CCDC102B: variants seen among roughly 807,000 people sequenced by gnomAD.
The protein encoded by CCDC102B is coiled-coil domain-containing protein 102B.
CCDC102B carries 75 observed loss-of-function variants against 57.4 expected under a neutral mutation model. The observed-to-expected ratio is 1.31, with a 90% CI of 1.08 to 1.58. CCDC102B has a LOEUF of 1.58. Among genes scored for constraint, CCDC102B ranks in the 40% most tolerant of loss-of-function variants. CCDC102B has a pLI of 0.00. For missense variants in CCDC102B, 636 were observed against 582.6 expected, an observed-to-expected ratio of 1.09 and a Z score of -0.94; for synonymous variants, 206 against 201.9, an observed-to-expected ratio of 1.02 and a Z score of -0.17.
intron 4 of CCDC102B, among the ~76,000 whole-genome samples, chr18:68,855,369 G>T (rs2038335376): frequency 6.6e-6 from 1 of 152,138 alleles, no homozygotes; most frequent in South Asian, 2.1e-4. Flanking sequence ...GCTCCAAGCA[G>T]AAACTCTCTA....
At chr18:68,885,641 A>G (rs939187219) in intron 5 of CCDC102B, among the ~76,000 whole-genome samples, 4 of 152,072 alleles carry the variant, frequency 2.6e-5, no homozygotes, top group African/African-American at 7.2e-5. Context: ...AGAATTGTAC[A>G]CATACTCAAT....
At chr18:68,819,259 A>T (rs758607830) in intron 1 of CCDC102B, among the ~76,000 whole-genome samples, 1 of 152,076 alleles carries the variant, frequency 6.6e-6, no homozygotes, top group Non-Finnish European at 1.5e-5. Flanking sequence ...TGAGCATTCT[A>T]TTGGGAACTG....
chr18:69,047,191 G>C (rs575688001), intron 7 of CCDC102B, among the ~76,000 whole-genome samples: 1 of 152,122 alleles, frequency 6.6e-6, no homozygotes, highest in East Asian at 1.9e-4. Flanking sequence ...ATCTGCCATC[G>C]CATCAAAAAG....
In CCDC102B at chr18:68,717,962, T is replaced by A. The variant is rs553718561; in HGVS notation, c.-67+1368T>A. On this transcript the variant is annotated intron_variant, in intron 2 of 3. Transcript: ENST00000578970. ...GTGATTAGAGACCTTATAAAAGAGA[T>A]TGAAGGGATCATCTTAGTCCCTTTT... The A allele has an allele frequency of 3.3e-5, 5 of 152,286 alleles. No individual in the cohort carries two copies. The East Asian group carries it at 9.7e-4, about 30-fold the overall frequency. The allele number at this position is 152,286 out of a possible 1,614,324, so 9.4% of individuals were successfully genotyped here.
chr18:68,937,790 G>C (rs1361952526), intron 6 of CCDC102B, among the ~76,000 whole-genome samples: 2 of 151,334 alleles, frequency 1.3e-5, no homozygotes, highest in African/African-American at 4.9e-5. Flanking sequence ...CCAGGTATGT[G>C]ATATTCCCTC....
intron 2 of CCDC102B, among the ~76,000 whole-genome samples, chr18:68,743,219 AT>A (rs2033470177): frequency 3.2e-5 from 1 of 31,342 alleles, no homozygotes; most frequent in African/African-American, 4.2e-5. Flanking sequence ...AAATAAATAA[AT>A]AAATAAATAA....
At chr18:68,810,691 T>G (rs1315306704) in intron 1 of CCDC102B, among the ~76,000 whole-genome samples, 2 of 142,556 alleles carry the variant, frequency 1.4e-5, no homozygotes, top group East Asian at 2.0e-4. Flanking sequence ...TTTTTTTTTT[T>G]TTTTTTTTTT....
chr18:68,830,394 A>G (rs190546467), intron 1 of CCDC102B, among the ~76,000 whole-genome samples: 35 of 152,074 alleles, frequency 2.3e-4, no homozygotes, highest in Admixed American at 8.5e-4. Context: ...CAGAGCTAAT[A>G]TTAATTTTAT....
intron 1 of CCDC102B, among the ~76,000 whole-genome samples, chr18:68,824,292 A>G (rs2036817279): frequency 6.6e-6 from 1 of 152,136 alleles, no homozygotes; most frequent in Non-Finnish European, 1.5e-5. Context: ...TATCCCAGTA[A>G]CATGTATTGC....
At chr18:68,928,644 G>A (rs1016634828) in intron 6 of CCDC102B, among the ~76,000 whole-genome samples, 6 of 151,794 alleles carry the variant, frequency 4.0e-5, no homozygotes, top group African/African-American at 1.5e-4. Flanking sequence ...GGAGTGGAAA[G>A]GGAAGAAATG....
intron 6 of CCDC102B, among the ~76,000 whole-genome samples, chr18:68,934,622 TA>T (rs1323913434): frequency 6.6e-6 from 1 of 151,914 alleles, no homozygotes; most frequent in East Asian, 1.9e-4. Flanking sequence ...TAAAAACAGA[TA>T]AAATATTCAG....
rs1056829473 is a variant in CCDC102B, at chr18:68,788,141, G to T, written c.-66-35225G>T. ...AGTTTCCATGTAGTTGAGCGGTTTT[G>T]AGTGAGATTCTTAATCCTGAGTTCT... On this transcript the variant is annotated intron_variant, in intron 2 of 3. Coordinates refer to the CCDC102B transcript ENST00000578970. Among the ~76,000 whole-genome samples the T allele has an allele frequency of 2.2e-3, 330 of 152,254 alleles. 2 individuals are homozygous for T. Among genetic ancestry groups the T allele is most frequent in the Non-Finnish European group, 3.7e-3 (249 of 68,004 alleles).
chr18:68,946,950 C>T (rs917798168), intron 6 of CCDC102B, among the ~76,000 whole-genome samples: 1 of 151,850 alleles, frequency 6.6e-6, no homozygotes, highest in Non-Finnish European at 1.5e-5. Flanking sequence ...CATCATGGAA[C>T]AGCAAGTGTC....
chr18:68,939,662 C>T (rs2049328036), intron 6 of CCDC102B, among the ~76,000 whole-genome samples: 1 of 151,750 alleles, frequency 6.6e-6, no homozygotes, highest in Admixed American at 6.6e-5. Context: ...GAATATGTCG[C>T]AGAAGGTTGC....
intron 1 of CCDC102B, among the ~76,000 whole-genome samples, chr18:68,824,218 G>C (rs564493080): frequency 2.6e-5 from 4 of 152,260 alleles, no homozygotes; most frequent in African/African-American, 9.6e-5. Flanking sequence ...TCCATCTTGA[G>C]TTAGTGTTTA....
chr18:68,849,168 A>G (rs540589415), intron 4 of CCDC102B, among the ~76,000 whole-genome samples: 1 of 152,242 alleles, frequency 6.6e-6, no homozygotes, highest in South Asian at 2.1e-4. Context: ...GGGAGAAAAT[A>G]GAAAATTAGA....
intron 2 of CCDC102B, among the ~76,000 whole-genome samples, chr18:68,726,434 GT>G (rs1475638341): frequency 1.3e-5 from 2 of 152,208 alleles, no homozygotes; most frequent in East Asian, 3.8e-4. Flanking sequence ...GTGCCCTGAT[GT>G]TGCCAGTGAG....
At chr18:68,824,661 A>G (rs886955343) in intron 1 of CCDC102B, among the ~76,000 whole-genome samples, 25 of 152,212 alleles carry the variant, frequency 1.6e-4, no homozygotes, top group African/African-American at 6.0e-4. Flanking sequence ...TGGATAAAAT[A>G]TAGACAGAAA....
At chr18:68,938,128 A>T (rs1460617496) in intron 6 of CCDC102B, among the ~76,000 whole-genome samples, 1 of 152,056 alleles carries the variant, frequency 6.6e-6, no homozygotes, top group African/African-American at 2.4e-5. Flanking sequence ...GTCAAAATTT[A>T]TACAATTGAG....
Sources: allele counts gnomAD v4.1 joint callset (sites outside exome capture counted in the v4.1 genomes callset), GRCh38; gene constraint gnomAD v4.1.1; transcripts MANE v1.5; gene names NCBI Gene and HGNC (gene_info 2026-07-23, HGNC 2026-07-21).